PIGL: variants seen among roughly 807,000 people sequenced by gnomAD.
PIGL encodes the protein phosphatidylinositol glycan anchor biosynthesis class L, also known as N-acetylglucosaminyl-phosphatidylinositol de-N-acetylase.
In PIGL, 22 loss-of-function variants were observed where a neutral mutation model predicts 31.1. The ratio of observed to expected loss-of-function variants is 0.71; its 90% CI spans 0.51 to 1.01. PIGL has a LOEUF of 1.01. PIGL is among the 50% of genes least tolerant of loss of function. PIGL has a pLI of 0.00. For synonymous variants in PIGL, 131 were observed against 117.4 expected (o/e 1.12, Z -0.75); for missense variants, 302 against 315.9 (o/e 0.96, Z 0.33).
At chr17:16,288,342 G>A (rs2092946592) in intron 2 of PIGL, among the ~76,000 whole-genome samples, 1 of 151,972 alleles carries the variant, frequency 6.6e-6, no homozygotes. Context: ...GAGTAGCTGG[G>A]ATTACAGGTG....
intron 2 of PIGL, among the ~76,000 whole-genome samples, chr17:16,266,917 G>A (rs957853148): frequency 4.1e-5 from 6 of 147,678 alleles, no homozygotes; most frequent in African/African-American, 9.8e-5. Flanking sequence ...GGGGGGGGGG[G>A]GGTTGTCGTG....
intron 2 of PIGL, among the ~76,000 whole-genome samples, chr17:16,238,994 T>G (rs1203883866): frequency 1.4e-5 from 2 of 146,936 alleles, no homozygotes; most frequent in African/African-American, 5.0e-5. Flanking sequence ...CCATCCGCCT[T>G]GGCCTCCCGA....
intron 6 of PIGL, among the ~76,000 whole-genome samples, chr17:16,319,528 G>A (rs1457343302): frequency 6.6e-6 from 1 of 152,168 alleles, no homozygotes; most frequent in Non-Finnish European, 1.5e-5. Flanking sequence ...GCCGAGACAG[G>A]CAGATTGTCT....
At chr17:16,265,942 AC>A (rs1335984593) in intron 2 of PIGL, among the ~76,000 whole-genome samples, 1 of 152,052 alleles carries the variant, frequency 6.6e-6, no homozygotes, top group African/African-American at 2.4e-5. Context: ...TCTCCTCAGT[AC>A]TAACCATGAG....
At chr17:16,234,788 C>A (rs2092693046) in intron 2 of PIGL, among the ~76,000 whole-genome samples, 2 of 152,142 alleles carry the variant, frequency 1.3e-5, no homozygotes. Context: ...ATAATAACTT[C>A]ACATTTGTTT....
intron 3 of PIGL, among the ~76,000 whole-genome samples, chr17:16,311,422 A>G (rs1019952920): frequency 2.2e-5 from 3 of 139,006 alleles, no homozygotes; most frequent in Non-Finnish European, 3.1e-5. Context: ...GCAAAAAGCC[A>G]CAAACCCAAT....
rs2092689244 is a variant in PIGL at position 16,233,973 on chromosome 17, A to C, written c.238A>C (p.Asn80His). ...WVYLLCFSAGNYYNQGETRKK... is the reference protein window; with the variant it reads ...WVYLLCFSAGHYYNQGETRKK... ...CACTGTATATTTGTTACCCTCAGGA[A>C]ATTACTACAATCAAGGAGAGACTCG... The change falls in exon 2 of 7, where the codon AAT (asparagine) becomes CAT (histidine). Residue 80 changes from asparagine (N) to histidine (H), a missense_variant and splice_region_variant. By Grantham distance (68) the Asn-to-His change is moderately conservative (BLOSUM62 1). Coordinates refer to ENST00000225609, the MANE Select transcript of PIGL (RefSeq NM_004278.4). 6.3e-7 allele frequency: 1 copy of C among 1,592,132 alleles called. No homozygotes were observed. The highest frequency in any genetic ancestry group is 1.3e-5 in the African/African-American group (1 of 74,460).
chr17:16,222,637 C>A (rs2142638243), intron 1 of PIGL, among the ~76,000 whole-genome samples: 1 of 151,866 alleles, frequency 6.6e-6, no homozygotes, highest in East Asian at 1.9e-4. Flanking sequence ...GCCTTGTATG[C>A]CTTGTCAGTT....
intron 2 of PIGL, among the ~76,000 whole-genome samples, chr17:16,266,058 T>A (rs2092841173): frequency 6.6e-6 from 1 of 152,130 alleles, no homozygotes; most frequent in Non-Finnish European, 1.5e-5. Context: ...CTGGCTGTCA[T>A]GACTCTTTCT....
intron 1 of PIGL, among the ~76,000 whole-genome samples, chr17:16,228,785 T>C (rs1343301182): frequency 6.6e-6 from 1 of 152,208 alleles, no homozygotes; most frequent in African/African-American, 2.4e-5. Context: ...ATAGAAACTC[T>C]ATACCTGTTT....
chr17:16,228,693 A>T (rs950503996), intron 1 of PIGL, among the ~76,000 whole-genome samples: 4 of 152,226 alleles, frequency 2.6e-5, no homozygotes, highest in Non-Finnish European at 5.9e-5. Flanking sequence ...CGGCGATTTT[A>T]AACATTTTTA....
chr17:16,233,543 A>T (rs1227267184), intron 1 of PIGL, among the ~76,000 whole-genome samples: 3 of 152,122 alleles, frequency 2.0e-5, no homozygotes, highest in Non-Finnish European at 4.4e-5. Context: ...ACCAACAAGA[A>T]TGAGCTTGGA....
chr17:16,314,640 G>A (rs2093068170), intron 4 of PIGL, among the ~76,000 whole-genome samples: 1 of 152,202 alleles, frequency 6.6e-6, no homozygotes, highest in African/African-American at 2.4e-5. Flanking sequence ...AATGAGGGGA[G>A]GCTAGACTGT....
At chr17:16,281,723 T>C (rs142339825) in intron 2 of PIGL, among the ~76,000 whole-genome samples, 27 of 152,322 alleles carry the variant, frequency 1.8e-4, no homozygotes, top group Non-Finnish European at 3.7e-4. Flanking sequence ...TAGAAGGAAT[T>C]GGATACTGAT....
chr17:16,219,090 G>A (rs544744480), intron 1 of PIGL, among the ~76,000 whole-genome samples: 2 of 126,564 alleles, frequency 1.6e-5, no homozygotes, highest in East Asian at 2.3e-4. Context: ...TTTTTGAGAC[G>A]GAGTCTTGCT....
intron 2 of PIGL, among the ~76,000 whole-genome samples, chr17:16,291,755 C>T (rs2092961728): frequency 6.6e-6 from 1 of 151,274 alleles, no homozygotes; most frequent in South Asian, 2.1e-4. Flanking sequence ...ATCCCAGCTA[C>T]TCGGGAGGCT....
chr17:16,230,058 TCA>T (rs2092672139), intron 1 of PIGL, among the ~76,000 whole-genome samples: 1 of 152,000 alleles, frequency 6.6e-6, no homozygotes. Context: ...AGATGGGGTT[TCA>T]CTATGTTGGC....
intron 2 of PIGL, among the ~76,000 whole-genome samples, chr17:16,248,039 C>A (rs2092756247): frequency 6.6e-6 from 1 of 152,108 alleles, no homozygotes; most frequent in Admixed American, 6.6e-5. Flanking sequence ...AGGCGCGCAC[C>A]ACCACACCTG....
chr17:16,317,437 G>A, intron 5 of PIGL: 1 of 1,036,284 alleles, frequency 9.6e-7, no homozygotes, highest in Non-Finnish European at 1.2e-6. Context: ...TGACAGAGCT[G>A]GAACCAGGTC....
Sources: allele counts gnomAD v4.1 joint callset (sites outside exome capture counted in the v4.1 genomes callset), GRCh38; gene constraint gnomAD v4.1.1; transcripts MANE v1.5; gene names NCBI Gene and HGNC (gene_info 2026-07-23, HGNC 2026-07-21).